STX16: variants seen among roughly 807,000 people sequenced by gnomAD.
STX16 encodes the protein syntaxin-16.
Under a neutral mutation model 42.7 loss-of-function variants are expected in STX16, and 28 were observed. The observed-to-expected ratio is 0.66, with a 90% CI of 0.49 to 0.90. The LOEUF (loss-of-function observed/expected upper bound fraction) is 0.90. STX16 is among the 40% of genes least tolerant of loss of function. The pLI, the probability that STX16 is intolerant of heterozygous loss-of-function variation, is 0.00. For synonymous variants in STX16, 156 were observed against 155.2 expected (o/e 1.00, Z -0.04); for missense variants, 361 against 420.9 (o/e 0.86, Z 1.24).
In STX16 at chr20:58,657,248, T is replaced by A. The variant is rs1357294134; in HGVS notation, c.133-2375T>A. ...CAAGCTGAGTCTGTTGGAAAATTAGTTCTCTGTCTTTAGAATCCAAGTATG... is the reference window on the plus strand; with the variant it reads ...CAAGCTGAGTCTGTTGGAAAATTAGATCTCTGTCTTTAGAATCCAAGTATG... On this transcript the variant is annotated intron_variant, in intron 1 of 8. Transcript: ENST00000371141. This position sits in a 1 kb window ranked among gnomAD's most constrained non-coding sequence, Gnocchi z 4.2. Among the ~76,000 whole-genome samples the A allele has an allele frequency of 6.6e-6, 1 of 152,252 alleles. No individual in the cohort carries two copies. The highest frequency in any genetic ancestry group is 1.9e-4 in the East Asian group (1 of 5,206).
intron 2 of STX16, among the ~76,000 whole-genome samples, chr20:58,661,368 CT>C (rs2083694982): frequency 6.6e-6 from 1 of 152,222 alleles, no homozygotes. Flanking sequence ...TTGGCAGGCC[CT>C]TTTGCTTTTC....
intron 2 of STX16, among the ~76,000 whole-genome samples, chr20:58,665,169 T>A: frequency 6.6e-6 from 1 of 152,306 alleles, no homozygotes; most frequent in East Asian, 1.9e-4. Context: ...TGCCTCTGAG[T>A]GCTTGGCACA....
At chr20:58,656,188 C>A (rs1338222374) in intron 1 of STX16, among the ~76,000 whole-genome samples, 13 of 152,168 alleles carry the variant, frequency 8.5e-5, no homozygotes, top group Non-Finnish European at 1.5e-5. Flanking sequence ...TCCAGCAGCC[C>A]TATCGATTCA....
rs900729625 is a variant in STX16 at position 58,678,041 on chromosome 20, G to A, written c.*1750G>A. On this transcript the variant is annotated 3_prime_UTR_variant, in exon 9 of 9. Coordinates refer to ENST00000371141, the MANE Select transcript of STX16 (RefSeq NM_001001433.3). ...AGCCCTGCAATGTGAGACTTCCGTA[G>A]CTGTTGAGAGTCACTGCAGGTGTTC... 6.6e-6 allele frequency: 1 copy of A among 152,238 alleles called. No individual in the cohort carries two copies. The highest frequency in any genetic ancestry group is 1.5e-5 in the Non-Finnish European group (1 of 68,056). The allele number at this position is 152,238 out of a possible 1,614,324, so 9.4% of individuals were successfully genotyped here.
In STX16 at chr20:58,669,347, C is replaced by T. The variant is rs1339839746; in HGVS notation, c.450C>T (p.Cys150=). The change falls in exon 5 of 9, where the codon TGC becomes TGT. Residue 150 remains cysteine, a synonymous_variant. Transcript: ENST00000371141. ...CCCTGCCGAGCCGGGCCCGGGCCTG[C>T]TCCGAGCAGGAGGGGCGGCTGCTTG... ...VQALPSRARA[C]SEQEGRLLGN... The T allele has an allele frequency of 5.0e-6, 8 of 1,612,118 alleles. No individual in the cohort carries two copies. In the African/African-American group the frequency reaches 6.7e-5, roughly 13 times the overall value.
At chr20:58,666,870 T>C (rs778421195) in intron 2 of STX16, among the ~76,000 whole-genome samples, 2 of 152,260 alleles carry the variant, frequency 1.3e-5, no homozygotes, top group African/African-American at 4.8e-5. Flanking sequence ...CAGTGTAAGA[T>C]TGCATTGAGA....
At chr20:58,652,371 A>ACCCCCCCCCCCCCCCCCCCCCCCC (rs11481928) in intron 1 of STX16, 2 of 426,400 alleles carry the variant, frequency 4.7e-6, no homozygotes, top group African/African-American at 5.4e-5. Context: ...CTTCCGCAGC[A>ACCCCCCCCCCCCCCCCCCCCCCCC]CCCCCCCCCC....
chr20:58,666,192 A>G (rs1204598657), intron 2 of STX16, among the ~76,000 whole-genome samples: 3 of 152,234 alleles, frequency 2.0e-5, no homozygotes, highest in East Asian at 1.9e-4. Context: ...TTTTCACCCA[A>G]CTCTACAGTG....
chr20:58,665,548 G>A (rs1353989632), intron 2 of STX16, among the ~76,000 whole-genome samples: 1 of 152,064 alleles, frequency 6.6e-6, no homozygotes, highest in Non-Finnish European at 1.5e-5. Flanking sequence ...ATATTTATAG[G>A]TTAGAATAAT....
chr20:58,658,246 A>G (rs1378750148), intron 1 of STX16, among the ~76,000 whole-genome samples: 2 of 152,232 alleles, frequency 1.3e-5, no homozygotes, highest in African/African-American at 4.8e-5. Flanking sequence ...TACTCAAGTT[A>G]GGGATTTTGT....
At position 58,671,302 on chromosome 20, in the gene STX16, G is replaced by GT. The variant is rs2083962528; in HGVS notation, c.792+6dup. 6.2e-7 allele frequency: 1 copy of GT among 1,602,396 alleles called. No homozygotes were observed. On this transcript the variant is annotated splice_donor_region_variant and intron_variant, in intron 7 of 8. Transcript: ENST00000371141. The stretch of plus-strand genomic sequence containing the variant: ...GGGGCGATGATTGTAGAACAGGTAC[G>GT]TGAGCTGGCCTTCCTCGTGAATAGG...
Position 58,671,211 on chromosome 20 carries a change from C to G in STX16, c.706C>G (p.Arg236Gly). The change falls in exon 7 of 9, where the codon CGG becomes GGG. Residue 236 changes from arginine to glycine, a missense_variant. By Grantham distance (125) the Arg-to-Gly change is moderately radical (BLOSUM62 -2). Transcript: ENST00000371141. ...VEQNTLMVEE[R>G]EREIRQIVQS... ...GCAGAACACACTGATGGTGGAAGAG[C>G]GGGAACGAGAGATTCGCCAGATTGT... 6.2e-7 allele frequency: 1 copy of G among 1,613,940 alleles called. No homozygotes were observed. Among genetic ancestry groups the G allele is most frequent in the South Asian group, 1.1e-5 (1 of 91,046 alleles).
rs1212023822 is a variant in STX16 at position 58,671,426 on chromosome 20, ATGTGTGTGTGGGTGTGTGTGTGTG to A, written c.792+140_792+163del. 544 of 476,888 alleles carry A rather than the reference ATGTGTGTGTGGGTGTGTGTGTGTG, an allele frequency of 1.1e-3. 5 individuals carry two copies. In the African/African-American group the frequency reaches 0.015, roughly 13 times the overall value. 29.5% of individuals were successfully genotyped at this position (476,888 alleles called of 1,614,324 possible). A position where few individuals can be genotyped will look rare whatever the true frequency, so the allele number is the denominator to read the frequency against. On this transcript the variant is annotated intron_variant, in intron 7 of 8. Transcript: ENST00000371141. ...CAACATGTGTGTGCACCTGTCCTTT[ATGTGTGTGTGGGTGTGTGTGTGTG>A]TGTGTGTGTGTGTGTGTGTGTGTAT...
chr20:58,673,838 T>C, intron 8 of STX16, 127 bp downstream of exon 8: 1 of 623,158 alleles, frequency 1.6e-6, no homozygotes. Context: ...AATACAGTAG[T>C]GTAAAAAGGG....
In STX16 at chr20:58,677,915, C is replaced by T. The variant is rs2084172129; in HGVS notation, c.*1624C>T. 6.6e-6 allele frequency: 1 copy of T among 152,162 alleles called. No homozygotes were observed. Among genetic ancestry groups the T allele is most frequent in the African/African-American group, 2.4e-5 (1 of 41,434 alleles). 9.4% of individuals were successfully genotyped at this position (152,162 alleles called of 1,614,324 possible). A position where few individuals can be genotyped will look rare whatever the true frequency, so the allele number is the denominator to read the frequency against. On this transcript the variant is annotated 3_prime_UTR_variant, in exon 9 of 9. Coordinates refer to ENST00000371141, the MANE Select transcript of STX16 (RefSeq NM_001001433.3). ...GATGTGGCTGTGGAATGATAAGGTC[C>T]TAGAGGGGCCCTGGCATTTCAGGAA...
intron 4 of STX16, 76 bp downstream of exon 4, chr20:58,668,203 G>C (rs550429747): frequency 6.4e-7 from 1 of 1,560,140 alleles, no homozygotes. Flanking sequence ...GTGTTACTCA[G>C]AATCAGTCTC....
intron 8 of STX16, among the ~76,000 whole-genome samples, chr20:58,674,703 C>G (rs1283007502): frequency 6.6e-6 from 1 of 152,170 alleles, no homozygotes; most frequent in Non-Finnish European, 1.5e-5. Context: ...GAAGAGAAGT[C>G]TGACCTTGTC....
At chr20:58,653,105 G>A (rs541035397) in intron 1 of STX16, among the ~76,000 whole-genome samples, 25 of 152,312 alleles carry the variant, frequency 1.6e-4, no homozygotes, top group Non-Finnish European at 3.7e-4. Context: ...CTGTAGTTCA[G>A]GCTACCTGCT....
At chr20:58,667,725 TAGGTTA>T in intron 3 of STX16, 128 bp downstream of exon 3, 5 of 934,444 alleles carry the variant, frequency 5.4e-6, no homozygotes, top group Non-Finnish European at 8.2e-6. Flanking sequence ...ACTTTAGCTT[TAGGTTA>T]AGTTGTCTAT....
Sources: gnomAD v4.1 joint callset for allele counts (sites outside exome capture counted in the v4.1 genomes callset) on GRCh38, gnomAD v4.1.1 for gene constraint, Gnocchi (gnomAD v3.1) non-coding constraint, MANE v1.5 for transcripts, NCBI Gene and HGNC (gene_info 2026-07-23, HGNC 2026-07-21) for gene names.